Variants in DNAJC13 observed in about 807,000 individuals in gnomAD.
DNAJC13 encodes the protein DnaJ heat shock protein family (Hsp40) member C13, also known as dnaJ homolog subfamily C member 13.
DNAJC13 carries 75 observed loss-of-function variants against 290.5 expected under a neutral mutation model. The ratio of observed to expected loss-of-function variants is 0.26; its 90% confidence interval spans 0.21 to 0.31. The LOEUF (loss-of-function observed/expected upper bound fraction) is 0.31, where lower values mean the gene tolerates loss of function less well. DNAJC13 is among the 10% of genes least tolerant of loss of function. The pLI is 1.00. For synonymous variants in DNAJC13, 862 were observed against 892.0 expected (o/e 0.97, Z 0.60); for missense variants, 2,260 against 2,674.5 (o/e 0.85, Z 3.42).
chr3:132,460,950 T>G (rs1933777500), intron 14 of DNAJC13, 100 bp from the exon 15 acceptor site: 1 of 1,132,416 alleles, frequency 8.8e-7, no homozygotes, highest in Non-Finnish European at 1.3e-6. Flanking sequence ...AATGTTGATG[T>G]CTGACATATA....
chr3:132,514,699 C>G, intron 46 of DNAJC13, 29 bp downstream of exon 46: 1 of 1,530,768 alleles, frequency 6.5e-7, no homozygotes, highest in South Asian at 1.1e-5. Flanking sequence ...TTTTGGAAAC[C>G]ACAGCAAGAT....
chr3:132,503,286 C>G lies in DNAJC13; in HGVS notation c.4789C>G (p.Gln1597Glu), dbSNP rs895282608. The G allele has an allele frequency of 3.7e-6, 6 of 1,614,104 alleles. No homozygotes were observed. In the East Asian group the frequency reaches 1.1e-4, roughly 30 times the overall value. The change falls in exon 41 of 56, where the codon CAA (glutamine) becomes GAA (glutamate). Residue 1597 changes from glutamine (Q) to glutamate (E), a missense_variant. Gln to Glu is a conservative substitution (Grantham distance 29). This residue lies in a region of DNAJC13 where 1,494 missense variants were observed against 1,693.7 expected (regional missense o/e 0.88). Coordinates refer to ENST00000260818, the MANE Select transcript of DNAJC13 (RefSeq NM_015268.4). ...CCTTGGAGGGTATTTGGCTGAAGAACAAGCAACTCCAGAAAATCCAACCAT... is the reference window on the plus strand; with the variant it reads ...CCTTGGAGGGTATTTGGCTGAAGAAGAAGCAACTCCAGAAAATCCAACCAT... ...SRLGGYLAEE[Q>E]ATPENPTIRK...
rs375209478 is a variant in DNAJC13 at position 132,538,216 on chromosome 3, A to G, written c.6666A>G (p.Thr2222=). ...GCTACCTTACCGCAGGTACATCTAC[A>G]TCAGTCATGTCTAACCTGCCACCTC... ...VAGYLTAGTS[T]SVMSNLPPPV... Residue 2222 remains threonine (T), a synonymous_variant, in exon 56 of 56, where the codon ACA becomes ACG. Coordinates refer to ENST00000260818, the MANE Select transcript of DNAJC13 (RefSeq NM_015268.4). 1 of 1,613,966 alleles carries G rather than the reference A, an allele frequency of 6.2e-7. No homozygotes were observed. Among genetic ancestry groups the G allele is most frequent in the African/African-American group, 1.3e-5 (1 of 75,028 alleles).
intron 51 of DNAJC13, among the ~76,000 whole-genome samples, chr3:132,525,397 T>C (rs1463099407): frequency 6.6e-6 from 1 of 152,222 alleles, no homozygotes; most frequent in African/African-American, 2.4e-5. Context: ...CCTGCTTAGA[T>C]TAAAATAGCA....
intron 3 of DNAJC13, 110 bp from the exon 4 acceptor site, chr3:132,447,206 CTATTT>C (rs796833814): frequency 3.0e-5 from 28 of 919,950 alleles, no homozygotes; most frequent in African/African-American, 8.7e-5. Context: ...TTTCTAGACT[CTATTT>C]TATAAAATTT....
chr3:132,423,620 C>A (rs1939018375), intron 1 of DNAJC13, among the ~76,000 whole-genome samples: 1 of 152,078 alleles, frequency 6.6e-6, no homozygotes, highest in African/African-American at 2.4e-5. Flanking sequence ...TGGTAGTGTT[C>A]TATAAACTGT....
intron 40 of DNAJC13, 40 bp downstream of exon 40, chr3:132,502,508 A>G (rs1232898051): frequency 6.5e-7 from 1 of 1,530,524 alleles, no homozygotes; most frequent in African/African-American, 1.4e-5. Flanking sequence ...TTGAACCCAA[A>G]CCTTAGGTTG....
At chr3:132,526,817 A>C (rs72994299) in intron 53 of DNAJC13, among the ~76,000 whole-genome samples, 5,432 of 152,322 alleles carry the variant, frequency 0.036, 325 homozygotes, top group African/African-American at 0.12. Context: ...AGATGCAATA[A>C]ATTTAAAAAC....
At chr3:132,538,135 A>T in intron 55 of DNAJC13, 41 bp from the exon 56 acceptor site, 2 of 1,545,278 alleles carry the variant, frequency 1.3e-6, no homozygotes, top group Non-Finnish European at 1.8e-6. Flanking sequence ...TTTTCACTTG[A>T]CTGCTTTCTA....
At chr3:132,493,996 G>A (rs930588965) in intron 33 of DNAJC13, 148 bp from the exon 34 acceptor site, 9 of 610,172 alleles carry the variant, frequency 1.5e-5, no homozygotes, top group Non-Finnish European at 2.5e-5. Context: ...GTGCTCAGGT[G>A]ATTTTGGTTA....
chr3:132,532,948 G>A (rs1054285218), intron 55 of DNAJC13, among the ~76,000 whole-genome samples: 6 of 85,690 alleles, frequency 7.0e-5, no homozygotes, highest in East Asian at 7.9e-4. Context: ...TAGTAGAGAC[G>A]GAATTTTGCC....
At chr3:132,509,510 G>A (rs1455329483) in intron 43 of DNAJC13, among the ~76,000 whole-genome samples, 1 of 152,226 alleles carries the variant, frequency 6.6e-6, no homozygotes, top group East Asian at 1.9e-4. Flanking sequence ...TACATAAACT[G>A]AGTTGATAAA....
chr3:132,516,268 A>T (rs1935916961), intron 46 of DNAJC13, among the ~76,000 whole-genome samples, 154 bp from the exon 47 acceptor site: 1 of 152,190 alleles, frequency 6.6e-6, no homozygotes, highest in African/African-American at 2.4e-5. Flanking sequence ...CACTCATAAC[A>T]TGGCCATGAA....
In DNAJC13 at chr3:132,502,325, G is replaced by A. The variant is rs1305835014; in HGVS notation, c.4573G>A (p.Val1525Ile). 7 of 1,612,810 alleles carry A rather than the reference G, an allele frequency of 4.3e-6. No individual in the cohort carries two copies. The Admixed American group carries it at 6.7e-5, about 15-fold the overall frequency. The part of the protein sequence containing the change: ...PRVAALGVEC[V>I]SSFAVDFWLQ... ...CGTAGCTGCTCTTGGGGTAGAATGT[G>A]TCAGTTCTTTTGCTGTGGATTTCTG... Residue 1525 changes from valine (V) to isoleucine (I), a missense_variant, in exon 40 of 56, where the codon GTC (valine) becomes ATC (isoleucine). Val to Ile is a conservative substitution (Grantham distance 29, BLOSUM62 3). Around this residue, in one of 3 missense-constraint regions of DNAJC13, gnomAD observed 1,494 missense variants for 1,693.7 expected, o/e 0.88. Transcript: ENST00000260818.
In DNAJC13 at chr3:132,532,912, A is replaced by AATTATTATTATTATTATTATTATTATT. The variant is rs78689169; in HGVS notation, c.6625+1839_6625+1840insATTATTATTATTATTATTATTATTATT. Among the ~76,000 whole-genome samples the AATTATTATTATTATTATTATTATTATT allele has an allele frequency of 2.5e-3, 354 of 141,832 alleles. 1 individual carries two copies. The highest frequency in any genetic ancestry group is 7.2e-3 in the African/African-American group (265 of 37,004). 93.0% of individuals were successfully genotyped at this position (141,832 alleles called of 152,430 possible). A position where few individuals can be genotyped will look rare whatever the true frequency, so the allele number is the denominator to read the frequency against. On this transcript the variant is annotated intron_variant, in intron 55 of 55. Coordinates refer to ENST00000260818, the MANE Select transcript of DNAJC13 (RefSeq NM_015268.4). ...ACCACCACACCCAGCTAATTTTTGT[A>AATTATTATTATTATTATTATTATTATT]ATTATTATTATTATTATTATTATTT...
At chr3:132,513,554 A>T (rs748142466) in intron 45 of DNAJC13, among the ~76,000 whole-genome samples, 19 of 152,178 alleles carry the variant, frequency 1.2e-4, no homozygotes, top group Non-Finnish European at 2.2e-4. Flanking sequence ...CCTTCTTACA[A>T]ATCTAGTACA....
intron 20 of DNAJC13, among the ~76,000 whole-genome samples, chr3:132,470,635 T>C (rs1934182796): frequency 8.0e-6 from 1 of 125,556 alleles, no homozygotes; most frequent in African/African-American, 3.1e-5. Context: ...CCCACCTCCC[T>C]CCCGGACGGG....
chr3:132,487,572 T>TTTTTTTC (rs1450426560), intron 29 of DNAJC13, among the ~76,000 whole-genome samples: 1 of 149,442 alleles, frequency 6.7e-6, no homozygotes, highest in East Asian at 1.9e-4. Flanking sequence ...TTTTTTTTTT[T>TTTTTTTC]TTTTTTTACT....
At chr3:132,486,660 C>T (rs1934888782) in intron 29 of DNAJC13, among the ~76,000 whole-genome samples, 2 of 151,964 alleles carry the variant, frequency 1.3e-5, no homozygotes, top group African/African-American at 4.8e-5. Flanking sequence ...TTTTTCTATT[C>T]TGGGAGACCT....
Sources: allele counts gnomAD v4.1 joint callset (sites outside exome capture counted in the v4.1 genomes callset), GRCh38; gene constraint gnomAD v4.1.1; regional missense constraint gnomAD v4.1.1; transcripts MANE v1.5; gene names NCBI Gene and HGNC (gene_info 2026-07-23, HGNC 2026-07-21).